The following CSMD1 variants were observed in gnomAD, a reference collection of about 807,000 sequenced individuals.
CSMD1 encodes CUB and Sushi multiple domains 1, also known as CUB and sushi domain-containing protein 1.
CSMD1 carries 213 observed loss-of-function variants against 417.5 expected under a neutral mutation model. That is an observed-to-expected ratio of 0.51 (90% confidence interval 0.46 to 0.57). The LOEUF is 0.57. Among genes scored for constraint, CSMD1 ranks in the 20% least tolerant of loss-of-function variants. CSMD1 has a pLI of 0.00. For missense variants in CSMD1, 6,923 were observed against 4,529.7 expected (o/e 1.53, Z -15.17); for synonymous variants, 2,862 against 1,736.8 (o/e 1.65, Z -16.11).
At chr8:4,845,622 A>G (rs1312471629) in intron 1 of CSMD1, among the ~76,000 whole-genome samples, 2 of 152,210 alleles carry the variant, frequency 1.3e-5, no homozygotes, top group Non-Finnish European at 2.9e-5. Context: ...GCTCTCTTTT[A>G]GGAGCTTTGC....
At chr8:4,805,331 T>C (rs1386366218) in intron 1 of CSMD1, among the ~76,000 whole-genome samples, 2 of 152,212 alleles carry the variant, frequency 1.3e-5, no homozygotes, top group African/African-American at 4.8e-5. Context: ...TTCAATATCC[T>C]CTGAAAATTG....
intron 3 of CSMD1, among the ~76,000 whole-genome samples, chr8:4,214,302 T>C (rs954401121): frequency 1.3e-5 from 2 of 152,180 alleles, no homozygotes; most frequent in Non-Finnish European, 2.9e-5. Flanking sequence ...GTAATAGTAT[T>C]AGTTTTATTA....
At chr8:3,538,985 C>A (rs1299117903) in intron 10 of CSMD1, among the ~76,000 whole-genome samples, 2 of 152,186 alleles carry the variant, frequency 1.3e-5, no homozygotes, top group African/African-American at 2.4e-5. Flanking sequence ...AATCCTGCAG[C>A]AGCATCTCAT....
chr8:3,507,987 G>C (rs927900087), intron 10 of CSMD1, among the ~76,000 whole-genome samples: 19 of 152,048 alleles, frequency 1.2e-4, no homozygotes, highest in African/African-American at 3.9e-4. Flanking sequence ...GGTTTCTTTT[G>C]CTGTGCAGAG....
At chr8:4,764,644 T>C (rs969114463) in intron 1 of CSMD1, among the ~76,000 whole-genome samples, 2 of 151,504 alleles carry the variant, frequency 1.3e-5, no homozygotes, top group African/African-American at 4.8e-5. Flanking sequence ...ATAATTCTCT[T>C]TGGTGTTCTT....
At position 4,483,362 on chromosome 8, in the gene CSMD1, T is replaced by G. The variant is rs566504280; in HGVS notation, c.303-63297A>C. Reference sequence around the variant, plus strand: ...GAAAATGAACAAATACACCAGTAGATAAATTATTTTGCTTAATGCTGCTAC... The same window carrying G: ...GAAAATGAACAAATACACCAGTAGAGAAATTATTTTGCTTAATGCTGCTAC... On this transcript the variant is annotated intron_variant, in intron 2 of 69. Transcript: ENST00000635120. Among the ~76,000 whole-genome samples the G allele has an allele frequency of 3.3e-5, 5 of 152,214 alleles. No homozygotes were observed. The South Asian group carries it at 8.3e-4, about 25-fold the overall frequency.
At chr8:3,800,378 C>G (rs561359843) in intron 5 of CSMD1, among the ~76,000 whole-genome samples, 1 of 152,062 alleles carries the variant, frequency 6.6e-6, no homozygotes, top group Non-Finnish European at 1.5e-5. Flanking sequence ...AACAAATGAG[C>G]TTACACAATG....
chr8:3,436,310 A>G (rs1010570374), intron 12 of CSMD1, among the ~76,000 whole-genome samples: 2 of 152,334 alleles, frequency 1.3e-5, no homozygotes, highest in Admixed American at 6.5e-5. Context: ...CAAAAAGGTG[A>G]GAAAGTCCAT....
intron 1 of CSMD1, among the ~76,000 whole-genome samples, chr8:4,706,826 T>C (rs923054396): frequency 1.3e-5 from 2 of 152,312 alleles, no homozygotes; most frequent in African/African-American, 2.4e-5. Flanking sequence ...ATAAACACAG[T>C]TGACCCGATT....
Position 4,676,383 on chromosome 8 carries a change from T to A in CSMD1, c.86-38825A>T, listed in dbSNP as rs895056964. On this transcript the variant is annotated intron_variant, in intron 1 of 69. Transcript: ENST00000635120. The stretch of plus-strand genomic sequence containing the variant: ...CACTGCCCTAATATTAGCTATGTCC[T>A]TGACTTTGACTTCCCCATCCACCCC... Among the ~76,000 whole-genome samples, 71 of 152,186 alleles carry A rather than the reference T, an allele frequency of 4.7e-4. 1 individual carries two copies.
chr8:4,001,290 C>T (rs999896498), intron 4 of CSMD1, among the ~76,000 whole-genome samples: 7 of 152,134 alleles, frequency 4.6e-5, no homozygotes, highest in African/African-American at 1.7e-4. Flanking sequence ...TGTTTACAGG[C>T]AGCCAACATA....
intron 3 of CSMD1, among the ~76,000 whole-genome samples, chr8:4,042,334 G>C (rs991694871): frequency 1.3e-5 from 2 of 152,172 alleles, no homozygotes; most frequent in Middle Eastern, 6.8e-3. Context: ...AAGATAAAGG[G>C]GCCAGGTGAT....
At chr8:3,291,704 G>A (rs1250852750) in intron 25 of CSMD1, among the ~76,000 whole-genome samples, 1 of 151,478 alleles carries the variant, frequency 6.6e-6, no homozygotes, top group East Asian at 1.9e-4. Flanking sequence ...ATGTCTATTT[G>A]ATTCTTCTCT....
intron 3 of CSMD1, among the ~76,000 whole-genome samples, chr8:4,240,202 T>C (rs1053374589): frequency 1.3e-5 from 2 of 152,248 alleles, no homozygotes; most frequent in Admixed American, 1.3e-4. Context: ...TAACTGTGAT[T>C]TTGACAACCG....
At chr8:3,553,392 G>C (rs562365140) in intron 10 of CSMD1, among the ~76,000 whole-genome samples, 1 of 152,280 alleles carries the variant, frequency 6.6e-6, no homozygotes, top group African/African-American at 2.4e-5. Context: ...AACAGACAGA[G>C]TGTGACAGAC....
At chr8:4,718,998 G>A (rs952846709) in intron 1 of CSMD1, among the ~76,000 whole-genome samples, 3 of 152,034 alleles carry the variant, frequency 2.0e-5, no homozygotes, top group Non-Finnish European at 2.9e-5. Flanking sequence ...AGATATGTAG[G>A]TATGAGAAAA....
At chr8:3,193,852 C>T (rs1188483357) in intron 33 of CSMD1, among the ~76,000 whole-genome samples, 1 of 152,172 alleles carries the variant, frequency 6.6e-6, no homozygotes, top group Non-Finnish European at 1.5e-5. Flanking sequence ...GTTCGATGAT[C>T]ACCCTTCAAC....
chr8:4,486,751 G>A (rs1373260815), intron 2 of CSMD1, among the ~76,000 whole-genome samples: 1 of 152,146 alleles, frequency 6.6e-6, no homozygotes, highest in East Asian at 1.9e-4. Context: ...GAAAGCCACT[G>A]CCTGATACGA....
At chr8:3,200,651 G>A (rs781486963) in intron 32 of CSMD1, among the ~76,000 whole-genome samples, 7 of 151,900 alleles carry the variant, frequency 4.6e-5, no homozygotes, top group Admixed American at 2.0e-4. Flanking sequence ...AGCAGTGGTG[G>A]GAGGTGTGTG....
Sources: gnomAD v4.1 joint callset for allele counts (sites outside exome capture counted in the v4.1 genomes callset) on GRCh38, gnomAD v4.1.1 for gene constraint, MANE v1.5 for transcripts, NCBI Gene and HGNC (gene_info 2026-07-23, HGNC 2026-07-21) for gene names.